LVRN: variants seen among roughly 807,000 people sequenced by gnomAD.
The protein encoded by LVRN is laeverin.
A neutral mutation model predicts 111.4 loss-of-function variants in LVRN; 99 were observed. The ratio of observed to expected loss-of-function variants is 0.89; its 90% confidence interval spans 0.76 to 1.05. The LOEUF (loss-of-function observed/expected upper bound fraction) is 1.05. LVRN is among the 50% of genes least tolerant of loss of function. The pLI, the probability that LVRN is intolerant of heterozygous loss-of-function variation, is 0.00. For synonymous variants in LVRN, 488 were observed against 449.5 expected (o/e 1.09, Z -1.08); for missense variants, 1,414 against 1,206.8 (o/e 1.17, Z -2.54).
At chr5:116,013,906 G>T (rs140998620) in intron 15 of LVRN, among the ~76,000 whole-genome samples, 157 of 152,220 alleles carry the variant, frequency 1.0e-3, no homozygotes, top group African/African-American at 3.5e-3. Context: ...TTCTTTTCCT[G>T]AACATGTATG....
chr5:115,974,524 T>A (rs576313256), intron 1 of LVRN: 2 of 152,466 alleles, frequency 1.3e-5, no homozygotes, highest in South Asian at 4.1e-4. Flanking sequence ...ATAAAACTTC[T>A]TGGGCGTTCC....
chr5:116,000,610 T>C lies in LVRN; in HGVS notation c.1599T>C (p.Phe533=). 3 of 1,614,028 alleles carry C rather than the reference T, an allele frequency of 1.9e-6. No individual in the cohort carries two copies. The highest frequency in any genetic ancestry group is 2.5e-6 in the Non-Finnish European group (3 of 1,179,928). The stretch of plus-strand genomic sequence containing the variant: ...TTTTACAGTCATATTTGAAGACATT[T>C]TCCTACTCAAACGCTGAGCAAGATG... ...VSALKSYLKT[F]SYSNAEQDDL... Residue 533 remains phenylalanine, a synonymous_variant, in exon 9 of 20, where the codon TTT becomes TTC. Transcript: ENST00000357872.
intron 13 of LVRN, among the ~76,000 whole-genome samples, chr5:116,010,265 A>G (rs1272757732): frequency 6.6e-6 from 1 of 152,206 alleles, no homozygotes; most frequent in East Asian, 1.9e-4. Context: ...GCACTGGAAA[A>G]TCAAAAAAAT....
chr5:115,980,957 C>T (rs568112207), intron 1 of LVRN, among the ~76,000 whole-genome samples: 16 of 152,184 alleles, frequency 1.1e-4, no homozygotes, highest in African/African-American at 3.9e-4. Flanking sequence ...TTTTAGAGTT[C>T]TGAGTGGCCT....
rs1748200972 is a variant in LVRN, at chr5:115,999,894, T to A, written c.1507T>A (p.Tyr503Asn). 2.5e-6 allele frequency: 4 copies of A among 1,607,228 alleles called. No homozygotes were observed. Residue 503 changes from tyrosine (Y) to asparagine (N), a missense_variant, in exon 7 of 20, where the codon TAC (tyrosine) becomes AAC (asparagine). Transcript: ENST00000357872. ...ACAGGAACTCTTTGACATATTTACT[T>A]ACAGCAAGGTAAAAGCAGTTAGAAA... ...EIQELFDIFT[Y>N]SKGASMARML...
At chr5:115,975,294 G>A (rs1325465001) in intron 1 of LVRN, 2 of 344,076 alleles carry the variant, frequency 5.8e-6, no homozygotes, top group Non-Finnish European at 1.1e-5. Flanking sequence ...TTCTCAGGCT[G>A]ACAAAGTTAT....
intron 16 of LVRN, among the ~76,000 whole-genome samples, chr5:116,014,875 C>T (rs747768347): frequency 6.6e-6 from 1 of 152,082 alleles, no homozygotes; most frequent in Non-Finnish European, 1.5e-5. Flanking sequence ...CAGAGCACCT[C>T]TCTCTCCATC....
intron 6 of LVRN, among the ~76,000 whole-genome samples, chr5:115,996,432 A>G (rs925024624): frequency 6.6e-6 from 1 of 152,142 alleles, no homozygotes; most frequent in African/African-American, 2.4e-5. Context: ...TGTGGAGCTG[A>G]GTGAAAGCAT....
chr5:115,994,831 T>A (rs973052097), intron 6 of LVRN, among the ~76,000 whole-genome samples: 7 of 152,234 alleles, frequency 4.6e-5, no homozygotes, highest in African/African-American at 1.7e-4. Flanking sequence ...GATTTAGATA[T>A]CTAAATGTTT....
At chr5:115,990,553 G>C (rs939026178) in intron 4 of LVRN, among the ~76,000 whole-genome samples, 1 of 151,894 alleles carries the variant, frequency 6.6e-6, no homozygotes, top group Admixed American at 6.6e-5. Context: ...GTGTATTTTG[G>C]TGAACTAAAG....
At chr5:115,997,268 G>C (rs947354126) in intron 6 of LVRN, among the ~76,000 whole-genome samples, 5 of 152,140 alleles carry the variant, frequency 3.3e-5, no homozygotes, top group African/African-American at 7.2e-5. Context: ...GCCGAGGAAG[G>C]ATTCGTACAC....
chr5:115,999,915 AGAAATTTCCTTTGGTTTT>A lies in LVRN; in HGVS notation c.1515+15_1515+32del. The A allele has an allele frequency of 6.3e-7, 1 of 1,599,980 alleles. No homozygotes were observed. ...TACTTACAGCAAGGTAAAAGCAGTTAGAAATTTCCTTTGGTTTTGTACTCTGGTAGAAAGTTGCATAAA... is the reference window on the plus strand; with the variant it reads ...TACTTACAGCAAGGTAAAAGCAGTTAGTACTCTGGTAGAAAGTTGCATAAA... On this transcript the variant is annotated intron_variant, in intron 7 of 19. Coordinates refer to ENST00000357872, the MANE Select transcript of LVRN (RefSeq NM_173800.5).
intron 6 of LVRN, among the ~76,000 whole-genome samples, chr5:115,996,817 A>G (rs1342850408): frequency 6.6e-6 from 1 of 152,136 alleles, no homozygotes; most frequent in Non-Finnish European, 1.5e-5. Flanking sequence ...TGCAGCCATC[A>G]TATGTTGCTC....
chr5:115,970,401 T>TTTTTTA (rs1753297492), intron 1 of LVRN, among the ~76,000 whole-genome samples: 1 of 140,458 alleles, frequency 7.1e-6, no homozygotes, highest in African/African-American at 2.5e-5. Flanking sequence ...TTTTTTTTTT[T>TTTTTTA]GAGACGGAGT....
At chr5:116,023,980 G>A (rs1580404623) in intron 19 of LVRN, among the ~76,000 whole-genome samples, 1 of 152,180 alleles carries the variant, frequency 6.6e-6, no homozygotes, top group African/African-American at 2.4e-5. Flanking sequence ...AATTTGTGTA[G>A]CAACATGGAT....
At chr5:115,987,713 T>C in intron 3 of LVRN, 100 bp from the exon 4 acceptor site, 1 of 1,386,032 alleles carries the variant, frequency 7.2e-7, no homozygotes. Flanking sequence ...TCTGGAAAGG[T>C]AAGACTTTGG....
intron 3 of LVRN, 96 bp from the exon 4 acceptor site, chr5:115,987,717 A>G: frequency 7.1e-7 from 1 of 1,404,710 alleles, no homozygotes; most frequent in Non-Finnish European, 9.6e-7. Context: ...GAAAGGTAAG[A>G]CTTTGGTTCA....
intron 17 of LVRN, 40 bp downstream of exon 17, chr5:116,015,459 G>T (rs769478919): frequency 1.3e-6 from 2 of 1,495,332 alleles, no homozygotes; most frequent in South Asian, 2.9e-5. Context: ...TCTGTTATAG[G>T]AATTAAATTA....
Position 116,012,407 on chromosome 5 carries a change from A to T in LVRN, c.2281A>T (p.Asn761Tyr). 1 of 1,530,764 alleles carries T rather than the reference A, an allele frequency of 6.5e-7. No homozygotes were observed. The highest frequency in any genetic ancestry group is 9.0e-7 in the Non-Finnish European group (1 of 1,112,326). The allele number at this position is 1,530,764 out of a possible 1,614,324, so 94.8% of individuals were successfully genotyped here. ...ATTAAAGAGACTTAATTTAATATGG[A>T]ATATTTATTCAACTATAATTCGTGA... is the stretch of plus-strand genomic sequence containing the variant. The part of the protein sequence containing the change: ...YLLKRLNLIW[N>Y]IYSTIIRENV... Residue 761 changes from asparagine to tyrosine, a missense_variant, in exon 15 of 20, where the codon AAT becomes TAT. Asn to Tyr is a moderately radical substitution (Grantham distance 143). Transcript: ENST00000357872.
Sources: gnomAD v4.1 joint callset for allele counts (sites outside exome capture counted in the v4.1 genomes callset) on GRCh38, gnomAD v4.1.1 for gene constraint, MANE v1.5 for transcripts, NCBI Gene and HGNC (gene_info 2026-07-23, HGNC 2026-07-21) for gene names.